Variants in OCA2 observed in about 807,000 individuals in gnomAD.
OCA2 encodes OCA2 melanosomal transmembrane protein.
OCA2 carries 77 observed loss-of-function variants against 100.2 expected under a neutral mutation model. That is an observed-to-expected ratio of 0.77 (90% CI 0.64 to 0.93). The LOEUF (loss-of-function observed/expected upper bound fraction) is 0.93. Among genes scored for constraint, OCA2 ranks in the 40% least tolerant of loss-of-function variants. The pLI, the probability that OCA2 is intolerant of heterozygous loss-of-function variation, is 0.00. For missense variants in OCA2, 1,062 were observed against 1,089.1 expected, an observed-to-expected ratio of 0.98 and a Z score of 0.35; for synonymous variants, 432 against 439.2, an observed-to-expected ratio of 0.98 and a Z score of 0.21.
chr15:28,026,085 T>C (rs2042739005), intron 4 of OCA2, among the ~76,000 whole-genome samples: 1 of 152,232 alleles, frequency 6.6e-6, no homozygotes, highest in Non-Finnish European at 1.5e-5. Context: ...TCTACGTAAC[T>C]GACATCTGCA....
intron 9 of OCA2, among the ~76,000 whole-genome samples, chr15:28,001,754 G>A (rs2041933793): frequency 6.6e-6 from 1 of 152,162 alleles, no homozygotes; most frequent in South Asian, 2.1e-4. Flanking sequence ...CTGCCCCCAG[G>A]GAGCTGCAGC....
intron 19 of OCA2, among the ~76,000 whole-genome samples, chr15:27,881,058 T>C (rs2151543875): frequency 6.6e-6 from 1 of 152,326 alleles, no homozygotes; most frequent in Non-Finnish European, 1.5e-5. Flanking sequence ...TATTGAGAGT[T>C]TTTAACATGA....
At chr15:27,953,523 C>A (rs949844412) in intron 17 of OCA2, among the ~76,000 whole-genome samples, 2 of 152,174 alleles carry the variant, frequency 1.3e-5, no homozygotes, top group African/African-American at 4.8e-5. Context: ...GAGAGTGATG[C>A]GGATTCTCAC....
At chr15:27,727,098 C>T in the OCA2 span, among the ~76,000 whole-genome samples, 5 of 152,302 alleles carry the variant, frequency 3.3e-5, no homozygotes, top group African/African-American at 1.2e-4. Flanking sequence ...GCACCATGTG[C>T]AACAAAGCTT....
chr15:27,928,803 C>T (rs758294909), intron 18 of OCA2, among the ~76,000 whole-genome samples: 2 of 152,142 alleles, frequency 1.3e-5, no homozygotes, highest in African/African-American at 4.8e-5. Context: ...GCTCTTCTAT[C>T]TTTCACTTTA....
At chr15:28,076,161 A>G (rs1161496024) in intron 2 of OCA2, among the ~76,000 whole-genome samples, 1 of 152,224 alleles carries the variant, frequency 6.6e-6, no homozygotes, top group Non-Finnish European at 1.5e-5. Context: ...CATATAGGAA[A>G]GACCAGAAGG....
chr15:27,784,688 T>G (rs2032716212), intron 23 of OCA2, among the ~76,000 whole-genome samples: 1 of 151,974 alleles, frequency 6.6e-6, no homozygotes, highest in Non-Finnish European at 1.5e-5. Flanking sequence ...AAAACCATAT[T>G]AACAAAAAGA....
At chr15:28,046,113 A>G (rs1386874620) in intron 2 of OCA2, among the ~76,000 whole-genome samples, 8 of 151,708 alleles carry the variant, frequency 5.3e-5, no homozygotes, top group Non-Finnish European at 1.0e-4. Context: ...GACACTCCAG[A>G]CTCTCTCTTC....
At chr15:28,005,554 G>A (rs1430544921) in intron 9 of OCA2, among the ~76,000 whole-genome samples, 1 of 152,002 alleles carries the variant, frequency 6.6e-6, no homozygotes, top group African/African-American at 2.4e-5. Context: ...CCATGAACAG[G>A]ACCCCTCTTT....
At chr15:27,905,163 C>CAAAAA (rs35906783) in intron 19 of OCA2, among the ~76,000 whole-genome samples, 6 of 114,616 alleles carry the variant, frequency 5.2e-5, no homozygotes, top group East Asian at 5.0e-4. Context: ...GACTCCACCT[C>CAAAAA]AAAAAAAAAA....
chr15:28,013,926 T>C (rs952967528), intron 9 of OCA2, among the ~76,000 whole-genome samples: 2 of 152,190 alleles, frequency 1.3e-5, no homozygotes, highest in African/African-American at 4.8e-5. Flanking sequence ...CTGTGAGTGG[T>C]CCTTGTTAGA....
At chr15:28,007,181 A>G (rs894994685) in intron 9 of OCA2, among the ~76,000 whole-genome samples, 2 of 152,254 alleles carry the variant, frequency 1.3e-5, no homozygotes, top group Non-Finnish European at 1.5e-5. Context: ...TTCTTAAAAC[A>G]TAATACCAGG....
intron 2 of OCA2, among the ~76,000 whole-genome samples, chr15:28,069,815 G>A (rs1431209511): frequency 1.6e-4 from 21 of 133,712 alleles, no homozygotes; most frequent in Admixed American, 1.3e-3. Context: ...GCCTCTGCCC[G>A]GCCGCCACCC....
At chr15:27,725,138 A>G in the OCA2 span, among the ~76,000 whole-genome samples, 1 of 152,310 alleles carries the variant, frequency 6.6e-6, no homozygotes, top group East Asian at 1.9e-4. Flanking sequence ...GAGACAGAGG[A>G]GCACCGCGGA....
At chr15:27,871,373 C>A (rs368647557) in intron 20 of OCA2, 115 bp from the exon 21 acceptor site, 48 of 766,348 alleles carry the variant, frequency 6.3e-5, no homozygotes, top group Non-Finnish European at 5.5e-5. Flanking sequence ...TTACCCATCA[C>A]GAGACCAAGG....
chr15:27,746,315 G>C, the OCA2 span, among the ~76,000 whole-genome samples: 16 of 152,166 alleles, frequency 1.1e-4, no homozygotes, highest in Admixed American at 3.3e-4. Flanking sequence ...AATTAAATTA[G>C]CCAGGAGTGG....
intron 2 of OCA2, among the ~76,000 whole-genome samples, chr15:28,080,903 T>C (rs969310072): frequency 6.6e-6 from 1 of 152,192 alleles, no homozygotes. Flanking sequence ...TATTTAAAGA[T>C]GTATCAAATT....
In OCA2 at chr15:27,869,146, G is replaced by A. The variant is rs1283793011; in HGVS notation, c.2244+2008C>T. On this transcript the variant is annotated intron_variant, in intron 21 of 23. Transcript: ENST00000354638. ...TGCTAGCGTGGCACAGTCACTCCGG[G>A]GAGATGCATGGGCTTTGAAGAGCTG... Among the ~76,000 whole-genome samples, 7 of 152,214 alleles carry A rather than the reference G, an allele frequency of 4.6e-5. 1 individual carries two copies. The highest frequency in any genetic ancestry group is 1.0e-4 in the Non-Finnish European group (7 of 68,032).
intron 19 of OCA2, among the ~76,000 whole-genome samples, chr15:27,874,202 G>A (rs2036695761): frequency 6.6e-6 from 1 of 152,154 alleles, no homozygotes; most frequent in Admixed American, 6.6e-5. Context: ...GCAAGACAAG[G>A]TATGGTTTTC....
Sources: gnomAD v4.1 joint callset for allele counts (sites outside exome capture counted in the v4.1 genomes callset) on GRCh38, gnomAD v4.1.1 for gene constraint, MANE v1.5 for transcripts, NCBI Gene and HGNC (gene_info 2026-07-23, HGNC 2026-07-21) for gene names.